KCNG3: variants seen among roughly 807,000 people sequenced by gnomAD.
KCNG3 encodes voltage-gated potassium channel regulatory subunit KCNG3.
Under a neutral mutation model 29.0 loss-of-function variants are expected in KCNG3, and 15 were observed. The ratio of observed to expected loss-of-function variants is 0.52; its 90% confidence interval spans 0.35 to 0.80. The LOEUF (loss-of-function observed/expected upper bound fraction) is 0.80. KCNG3 is among the 30% of genes least tolerant of loss of function. The pLI is 0.01. For synonymous variants in KCNG3, 322 were observed against 248.9 expected (o/e 1.29, Z -2.76); for missense variants, 512 against 605.7 (o/e 0.85, Z 1.62).
chr2:42,439,972 T>C (rs892714630), downstream of KCNG3, among the ~76,000 whole-genome samples: 3 of 152,284 alleles, frequency 2.0e-5, no homozygotes, highest in Admixed American at 6.5e-5. Flanking sequence ...AAATCCTTCA[T>C]GGCTTCCGAA....
intron 1 of KCNG3, among the ~76,000 whole-genome samples, chr2:42,448,023 A>C (rs1672646308): frequency 6.6e-6 from 1 of 152,138 alleles, no homozygotes; most frequent in South Asian, 2.1e-4. Flanking sequence ...TCTATTCCCC[A>C]CGGCCTCACT....
chr2:42,492,850 T>A lies in KCNG3; in HGVS notation c.652A>T (p.Arg218Trp), dbSNP rs1239386951. 6.6e-7 allele frequency: 1 copy of A among 1,503,936 alleles called. No individual in the cohort carries two copies. The highest frequency in any genetic ancestry group is 2.5e-5 in the East Asian group (1 of 40,644). 93.2% of individuals were successfully genotyped at this position (1,503,936 alleles called of 1,614,324 possible). Residue 218 changes from arginine to tryptophan, a missense_variant, in exon 1 of 2, where the codon AGG becomes TGG. Transcript: ENST00000306078. The part of the protein sequence containing the change: ...DRSRYSAGPG[R>W]EPSGIIEAIC... ...AGTGCGTCCTACCCGGAGGGCTCCC[T>A]CCCAGGGCCGGCGGAGTACCTGCTC...
downstream of KCNG3, among the ~76,000 whole-genome samples, chr2:42,441,793 GGT>G (rs1491104495): frequency 5.4e-5 from 1 of 18,350 alleles, no homozygotes; most frequent in South Asian, 2.4e-3. Context: ...TATATATATA[GGT>G]GTGTGTGTAT....
At chr2:42,463,778 T>G in intron 1 of KCNG3, 1 of 188,550 alleles carries the variant, frequency 5.3e-6, no homozygotes, top group Non-Finnish European at 1.1e-5. Context: ...AGTGTTTCAT[T>G]TCTCCATAAC....
intron 1 of KCNG3, among the ~76,000 whole-genome samples, chr2:42,472,785 G>A (rs1450785775): frequency 6.9e-6 from 1 of 145,612 alleles, no homozygotes; most frequent in Admixed American, 6.9e-5. Context: ...CAGGCTCAAC[G>A]ATATATCTAT....
the KCNG3 span, among the ~76,000 whole-genome samples, chr2:42,430,148 C>A: frequency 2.0e-5 from 3 of 152,256 alleles, no homozygotes; most frequent in East Asian, 1.9e-4. Context: ...AGGCAGATCA[C>A]TTGAGCTCAG....
the KCNG3 span, among the ~76,000 whole-genome samples, chr2:42,427,144 GAT>G: frequency 2.0e-5 from 3 of 152,102 alleles, no homozygotes; most frequent in African/African-American, 7.2e-5. Context: ...GGCTACCTTT[GAT>G]ATAAGGCTAC....
chr2:42,492,566 T>A (rs1316274070), intron 1 of KCNG3, among the ~76,000 whole-genome samples: 2 of 152,144 alleles, frequency 1.3e-5, no homozygotes, highest in Non-Finnish European at 2.9e-5. Context: ...AGAGGGGACA[T>A]TTGTCTATCT....
the KCNG3 span, among the ~76,000 whole-genome samples, chr2:42,430,145 T>C: frequency 6.6e-6 from 1 of 152,074 alleles, no homozygotes; most frequent in African/African-American, 2.4e-5. Flanking sequence ...GGCAGGCAGA[T>C]CACTTGAGCT....
At chr2:42,474,138 C>T (rs984565340) in intron 1 of KCNG3, among the ~76,000 whole-genome samples, 7 of 150,358 alleles carry the variant, frequency 4.7e-5, no homozygotes, top group South Asian at 2.1e-4. Flanking sequence ...TCTTCTGACT[C>T]TTGGTGATGC....
Position 42,444,417 on chromosome 2 carries a change from G to A in KCNG3, c.828C>T (p.Gly276=), listed in dbSNP as rs756484350. The change falls in exon 2 of 2, where the codon GGC becomes GGT. Residue 276 remains glycine, a synonymous_variant. Transcript: ENST00000306078. This position sits in a 1 kb window ranked among gnomAD's most constrained non-coding sequence, Gnocchi z 5.8. The part of the protein sequence containing the change: ...YISVLMTVFT[G]ENSQLQRAGV... ...CAGCCCTCTGGAGTTGAGAGTTCTC[G>A]CCTGTAAACACTGTCATCAACACAG... 9 of 1,614,090 alleles carry A rather than the reference G, an allele frequency of 5.6e-6. No homozygotes were observed. Among genetic ancestry groups the A allele is most frequent in the South Asian group, 2.2e-5 (2 of 91,060 alleles).
intron 1 of KCNG3, among the ~76,000 whole-genome samples, chr2:42,477,270 A>T (rs1673451455): frequency 6.6e-6 from 1 of 151,326 alleles, no homozygotes. Flanking sequence ...TGCTAAATAC[A>T]CTAGTTACTC....
At chr2:42,479,685 G>A (rs1263011973) in intron 1 of KCNG3, among the ~76,000 whole-genome samples, 1 of 151,090 alleles carries the variant, frequency 6.6e-6, no homozygotes, top group Non-Finnish European at 1.5e-5. Context: ...GAAAAAAAGA[G>A]TGGCATAAAT....
chr2:42,433,374 C>T, the KCNG3 span, among the ~76,000 whole-genome samples: 1 of 152,050 alleles, frequency 6.6e-6, no homozygotes, highest in Non-Finnish European at 1.5e-5. Context: ...GAGGGTGTTT[C>T]CAGAAACTGG....
the KCNG3 span, among the ~76,000 whole-genome samples, chr2:42,398,060 A>G: frequency 1.3e-5 from 2 of 152,014 alleles, no homozygotes; most frequent in East Asian, 3.9e-4. Context: ...TGTCTCTACT[A>G]GAAATACAAA....
At chr2:42,450,581 T>C (rs926861832) in intron 1 of KCNG3, among the ~76,000 whole-genome samples, 8 of 152,228 alleles carry the variant, frequency 5.3e-5, no homozygotes, top group African/African-American at 1.9e-4. Context: ...GATTCTGATT[T>C]CTTCTGAGTT....
At chr2:42,389,816 G>C in the KCNG3 span, among the ~76,000 whole-genome samples, 1 of 152,138 alleles carries the variant, frequency 6.6e-6, no homozygotes, top group African/African-American at 2.4e-5. Context: ...ACCATATTTT[G>C]TGTGGCATCA....
Position 42,493,089 on chromosome 2 carries a change from T to C in KCNG3, c.413A>G (p.Asp138Gly), listed in dbSNP as rs988957090. Residue 138 changes from aspartate (D) to glycine (G), a missense_variant, in exon 1 of 2, where the codon GAC becomes GGC. Asp to Gly is a moderately conservative substitution (Grantham distance 94). Coordinates refer to ENST00000306078, the MANE Select transcript of KCNG3 (RefSeq NM_133329.6). ...SADEPGVLGR[D>G]EARPGGAEAA... Reference sequence around the variant, plus strand: ...CTCGGCCCCGCCGGGGCGCGCCTCGTCGCGGCCCAGCACGCCCGGCTCGTC... The same window carrying C: ...CTCGGCCCCGCCGGGGCGCGCCTCGCCGCGGCCCAGCACGCCCGGCTCGTC... The C allele has an allele frequency of 3.2e-6, 5 of 1,569,878 alleles. No homozygotes were observed. Among genetic ancestry groups the C allele is most frequent in the East Asian group, 2.3e-5 (1 of 42,744 alleles).
intron 1 of KCNG3, among the ~76,000 whole-genome samples, chr2:42,451,792 T>G (rs1192286876): frequency 6.6e-6 from 1 of 151,720 alleles, no homozygotes; most frequent in Non-Finnish European, 1.5e-5. Flanking sequence ...CCTAGCTACT[T>G]GGGAAGCTGA....
Sources: allele counts gnomAD v4.1 joint callset (sites outside exome capture counted in the v4.1 genomes callset), GRCh38; gene constraint gnomAD v4.1.1; non-coding constraint Gnocchi (gnomAD v3.1); transcripts MANE v1.5; gene names NCBI Gene and HGNC (gene_info 2026-07-23, HGNC 2026-07-21).